The following AP3B1 variants were observed in gnomAD, a reference collection of about 807,000 sequenced individuals.
AP3B1 encodes the protein adaptor related protein complex 3 subunit beta 1.
In AP3B1, 61 loss-of-function variants were observed where a neutral mutation model predicts 132.5. That is an observed-to-expected ratio of 0.46 (90% CI 0.37 to 0.57). The LOEUF is 0.57. AP3B1 is among the 20% of genes least tolerant of loss of function. The probability of loss-of-function intolerance (pLI) is 0.00; values close to 1 mark genes in which losing one functional copy is unlikely to be tolerated. For missense variants in AP3B1, 1,120 were observed against 1,289.4 expected (o/e 0.87, Z 2.01); for synonymous variants, 388 against 438.3 (o/e 0.89, Z 1.43).
intron 7 of AP3B1, among the ~76,000 whole-genome samples, chr5:78,209,452 T>C (rs920945137): frequency 6.6e-6 from 1 of 152,184 alleles, no homozygotes; most frequent in African/African-American, 2.4e-5. Context: ...CAACTTAACT[T>C]TCAATTAATT....
At chr5:78,104,111 T>C (rs1422439061) in intron 20 of AP3B1, among the ~76,000 whole-genome samples, 1 of 152,128 alleles carries the variant, frequency 6.6e-6, no homozygotes, top group Non-Finnish European at 1.5e-5. Context: ...TGCTTTGAAA[T>C]CAACAAGAAG....
chr5:78,179,031 G>A (rs1256260095), intron 8 of AP3B1, among the ~76,000 whole-genome samples: 1 of 152,070 alleles, frequency 6.6e-6, no homozygotes, highest in East Asian at 1.9e-4. Flanking sequence ...TTTAAAAAAT[G>A]CAAGAATATC....
At chr5:78,200,033 CA>C (rs1053824538) in intron 7 of AP3B1, among the ~76,000 whole-genome samples, 1 of 151,822 alleles carries the variant, frequency 6.6e-6, no homozygotes, top group Non-Finnish European at 1.5e-5. Context: ...AAGACAAAGC[CA>C]AAAGAGATCT....
Position 78,225,533 on chromosome 5 carries a change from A to T in AP3B1, c.603+9T>A. ...TTTTATGTCAAAGACGTAAAAAGAC[A>T]TTACTTACTGTGCTTTTATCTTTCA... is the stretch of plus-strand genomic sequence containing the variant. On this transcript the variant is annotated intron_variant, in intron 6 of 26. Coordinates refer to ENST00000255194, the MANE Select transcript of AP3B1 (RefSeq NM_003664.5). 1 of 1,482,884 alleles carries T rather than the reference A, an allele frequency of 6.7e-7. No homozygotes were observed. The highest frequency in any genetic ancestry group is 9.4e-7 in the Non-Finnish European group (1 of 1,063,720). The allele number at this position is 1,482,884 out of a possible 1,614,324, so 91.9% of individuals were successfully genotyped here.
chr5:78,222,720 C>CA (rs1362199451), intron 6 of AP3B1, among the ~76,000 whole-genome samples: 3 of 150,276 alleles, frequency 2.0e-5, no homozygotes, highest in Non-Finnish European at 4.4e-5. Context: ...ATTTATCACT[C>CA]AAAAAAAATC....
rs144921350 is a variant in AP3B1 at position 78,110,684 on chromosome 5, C to CTGTGTGTGTGTG, written c.2250-342_2250-331dup. Among the ~76,000 whole-genome samples, 365 of 143,554 alleles carry CTGTGTGTGTGTG rather than the reference C, an allele frequency of 2.5e-3. 2 individuals carry two copies. Among genetic ancestry groups the CTGTGTGTGTGTG allele is most frequent in the African/African-American group, 8.9e-3 (348 of 38,898 alleles). The allele number at this position is 143,554 out of a possible 152,430, so 94.2% of individuals were successfully genotyped here. A position where few individuals can be genotyped will look rare whatever the true frequency, so the allele number is the denominator to read the frequency against. On this transcript the variant is annotated intron_variant, in intron 19 of 26. Coordinates refer to ENST00000255194, the MANE Select transcript of AP3B1 (RefSeq NM_003664.5). The stretch of plus-strand genomic sequence containing the variant: ...AAAACGCTATCTCAAAATACTGTGC[C>CTGTGTGTGTGTG]TGTGTGTGTGTGTGTGTGTGTGTGT...
At chr5:78,033,370 T>C (rs1287860606) in intron 24 of AP3B1, among the ~76,000 whole-genome samples, 2 of 152,092 alleles carry the variant, frequency 1.3e-5, no homozygotes, top group Non-Finnish European at 2.9e-5. Context: ...CAATGTGTTA[T>C]GCTACATTGC....
intron 7 of AP3B1, among the ~76,000 whole-genome samples, chr5:78,197,193 T>C (rs941649206): frequency 4.6e-5 from 7 of 152,096 alleles, no homozygotes; most frequent in African/African-American, 1.7e-4. Flanking sequence ...ATTTTTATTT[T>C]TAAGAAAGCA....
chr5:78,212,329 C>T (rs773554949), intron 7 of AP3B1, among the ~76,000 whole-genome samples: 3 of 151,996 alleles, frequency 2.0e-5, no homozygotes, highest in Non-Finnish European at 2.9e-5. Flanking sequence ...AATGATAAGC[C>T]ATTAAGTATA....
chr5:78,084,126 G>C (rs76798696), intron 22 of AP3B1, among the ~76,000 whole-genome samples: 2 of 151,966 alleles, frequency 1.3e-5, no homozygotes, highest in African/African-American at 4.8e-5. Context: ...ATGGAAATCT[G>C]CCTTGCTATC....
At chr5:78,189,532 A>G (rs1197734758) in intron 7 of AP3B1, among the ~76,000 whole-genome samples, 5 of 152,130 alleles carry the variant, frequency 3.3e-5, no homozygotes, top group Non-Finnish European at 7.3e-5. Context: ...CATGGTTCAC[A>G]ATTGATGCAA....
intron 24 of AP3B1, among the ~76,000 whole-genome samples, chr5:78,033,409 A>G (rs1292884886): frequency 6.6e-6 from 1 of 152,098 alleles, no homozygotes; most frequent in Non-Finnish European, 1.5e-5. Flanking sequence ...GTTCTCGGCA[A>G]TAAAAGGTAT....
intron 25 of AP3B1, among the ~76,000 whole-genome samples, chr5:78,020,106 T>C (rs964821583): frequency 7.2e-5 from 11 of 152,108 alleles, no homozygotes; most frequent in African/African-American, 2.2e-4. Flanking sequence ...AATACTTGCA[T>C]TTTGCTGAAA....
At chr5:78,195,983 A>T (rs1261324942) in intron 7 of AP3B1, among the ~76,000 whole-genome samples, 1 of 152,176 alleles carries the variant, frequency 6.6e-6, no homozygotes, top group Non-Finnish European at 1.5e-5. Context: ...CAACTTTTAG[A>T]TACAATACAA....
chr5:78,085,742 A>T (rs1750217144), intron 22 of AP3B1, among the ~76,000 whole-genome samples: 1 of 152,230 alleles, frequency 6.6e-6, no homozygotes, highest in African/African-American at 2.4e-5. Context: ...TTCCATCTAA[A>T]GTAACTGTTA....
intron 11 of AP3B1, among the ~76,000 whole-genome samples, chr5:78,172,612 T>C (rs1743967382): frequency 6.6e-6 from 1 of 152,230 alleles, no homozygotes; most frequent in Non-Finnish European, 1.5e-5. Context: ...TGCATCTATT[T>C]GATTCTTCTC....
chr5:78,277,650 G>T (rs571005066), intron 1 of AP3B1, among the ~76,000 whole-genome samples: 1 of 152,062 alleles, frequency 6.6e-6, no homozygotes, highest in African/African-American at 2.4e-5. Context: ...TCCAAAAGAA[G>T]ATCTATGAAG....
At chr5:78,221,155 CA>C (rs576482882) in intron 6 of AP3B1, among the ~76,000 whole-genome samples, 246 of 152,214 alleles carry the variant, frequency 1.6e-3, no homozygotes, top group African/African-American at 5.8e-3. Context: ...GCCCTCCCAC[CA>C]AAAGGCCATC....
At chr5:78,098,215 T>TC (rs1377408840) in intron 21 of AP3B1, among the ~76,000 whole-genome samples, 1 of 151,306 alleles carries the variant, frequency 6.6e-6, no homozygotes, top group African/African-American at 2.4e-5. Flanking sequence ...TGACCTTCCC[T>TC]CCACTATTGT....
Sources: gnomAD v4.1 joint callset for allele counts (sites outside exome capture counted in the v4.1 genomes callset) on GRCh38, gnomAD v4.1.1 for gene constraint, MANE v1.5 for transcripts, NCBI Gene and HGNC (gene_info 2026-07-23, HGNC 2026-07-21) for gene names.